The following ADAMTS8 variants were observed in gnomAD, a reference collection of about 807,000 sequenced individuals.
ADAMTS8 encodes ADAM metallopeptidase with thrombospondin type 1 motif 8, also known as A disintegrin and metalloproteinase with thrombospondin motifs 8.
Under a neutral mutation model 64.4 loss-of-function variants are expected in ADAMTS8, and 50 were observed. That is an observed-to-expected ratio of 0.78 (90% CI 0.62 to 0.98). ADAMTS8 has a LOEUF of 0.98. Among genes scored for constraint, ADAMTS8 ranks in the 50% least tolerant of loss-of-function variants. ADAMTS8 has a pLI of 0.00. For missense variants in ADAMTS8, 1,192 were observed against 1,208.2 expected, an observed-to-expected ratio of 0.99 and a Z score of 0.20; for synonymous variants, 556 against 533.6, an observed-to-expected ratio of 1.04 and a Z score of -0.58.
At position 130,427,367 on chromosome 11, in the gene ADAMTS8, G is replaced by A. The variant is rs144909202; in HGVS notation, c.720+200C>T. Among the ~76,000 whole-genome samples the A allele has an allele frequency of 4.9e-3, 747 of 151,396 alleles. 6 individuals are homozygous for A. Among genetic ancestry groups the A allele is most frequent in the Non-Finnish European group, 7.6e-3 (514 of 67,802 alleles). On this transcript the variant is annotated intron_variant, in intron 1 of 8. Coordinates refer to ENST00000257359, the MANE Select transcript of ADAMTS8 (RefSeq NM_007037.6). ...GGGGGCGCAGGGATCCAGGGTGGCA[G>A]AAGTTCAGAAAAGAGTTACTGCTCT...
intron 2 of ADAMTS8, among the ~76,000 whole-genome samples, chr11:130,418,161 A>G (rs1312489671): frequency 6.6e-6 from 1 of 152,144 alleles, no homozygotes; most frequent in Non-Finnish European, 1.5e-5. Context: ...AGCCTGGGTG[A>G]CAGAGCGAGA....
chr11:130,416,200 G>A lies in ADAMTS8; in HGVS notation c.1227C>T (p.Ser409=), dbSNP rs767316128. 21 of 1,597,156 alleles carry A rather than the reference G, an allele frequency of 1.3e-5. No individual in the cohort carries two copies. Among genetic ancestry groups the A allele is most frequent in the African/African-American group, 5.4e-5 (4 of 74,672 alleles). The part of the protein sequence containing the change: ...LNQTLPWSPC[S]AMYLTELLDG... ...CCAGAAGCTCTGTGAGATACATGGC[G>A]CTGCAGGGGGACCAGGGCAGCGTCT... Residue 409 remains serine, a synonymous_variant, in exon 4 of 9, where the codon AGC becomes AGT. Coordinates refer to ENST00000257359, the MANE Select transcript of ADAMTS8 (RefSeq NM_007037.6). This position sits in a 1 kb window ranked among gnomAD's most constrained non-coding sequence, Gnocchi z 4.8.
rs1219062189 is a variant in ADAMTS8, at chr11:130,408,918, C to T, written c.1773G>A (p.Gln591=). Reference sequence around the variant, plus strand: ...AATTGTAGGCATTATACTTCTCACACTGCTGCTCCCTGAAGCTTTTCCCTA... The same window carrying T: ...AATTGTAGGCATTATACTTCTCACATTGCTGCTCCCTGAAGCTTTTCCCTA... ...PPDGKSFREQ[Q]CEKYNAYNYT... is the part of the protein sequence containing the mutation. Residue 591 remains glutamine (Q), a synonymous_variant, in exon 7 of 9, where the codon CAG becomes CAA. Transcript: ENST00000257359. 2.6e-6 allele frequency: 4 copies of T among 1,558,522 alleles called. No individual in the cohort carries two copies. The African/African-American group carries it at 5.4e-5, about 21-fold the overall frequency.
At chr11:130,413,679 T>G (rs1861981405) in intron 5 of ADAMTS8, among the ~76,000 whole-genome samples, 1 of 152,304 alleles carries the variant, frequency 6.6e-6, no homozygotes, top group African/African-American at 2.4e-5. Context: ...CCAAGTTTTT[T>G]TCTGCCTGGC....
In ADAMTS8 at chr11:130,419,141, C is replaced by T. The variant is rs766832143; in HGVS notation, c.872G>A (p.Arg291His). The T allele has an allele frequency of 3.1e-6, 5 of 1,614,204 alleles. No homozygotes were observed. Among genetic ancestry groups the T allele is most frequent in the African/African-American group, 1.3e-5 (1 of 75,044 alleles). ...ACGCCGCTGCCAGTTGCAGAAGTTACGCAGTGTAAGCCCCCCATTGTCGGA... is the reference window on the plus strand; with the variant it reads ...ACGCCGCTGCCAGTTGCAGAAGTTATGCAGTGTAAGCCCCCCATTGTCGGA... ...EVSDNGGLTL[R>H]NFCNWQRRFN... Residue 291 changes from arginine to histidine, a missense_variant, in exon 2 of 9, where the codon CGT (arginine) becomes CAT (histidine). This residue lies in a region of ADAMTS8 where 741 missense variants were observed against 710.6 expected (regional missense o/e 1.04). Transcript: ENST00000257359.
At chr11:130,427,285 C>T (rs1379676684) in intron 1 of ADAMTS8, among the ~76,000 whole-genome samples, 1 of 152,072 alleles carries the variant, frequency 6.6e-6, no homozygotes, top group African/African-American at 2.4e-5. Flanking sequence ...GCGGGAGATT[C>T]GGATGAGAGG....
In ADAMTS8 at chr11:130,428,101, C is replaced by G. The variant is rs768134493; in HGVS notation, c.186G>C (p.Lys62Asn). The stretch of plus-strand genomic sequence containing the variant: ...CGGGCGCCAGGCGCAGCACGAAGCC[C>G]TTGCCGAAGGCGGACAGGTGGAGCG... Reference protein sequence around the residue: ...ELALHLSAFGKGFVLRLAPDD... With the variant: ...ELALHLSAFGNGFVLRLAPDD... Residue 62 changes from lysine to asparagine, a missense_variant, in exon 1 of 9, where the codon AAG becomes AAC. By Grantham distance (94) the Lys-to-Asn change is moderately conservative. Transcript: ENST00000257359. 4.0e-5 allele frequency: 62 copies of G among 1,533,874 alleles called. No individual in the cohort carries two copies. The highest frequency in any genetic ancestry group is 5.1e-5 in the Non-Finnish European group (59 of 1,149,790).
chr11:130,419,714 G>T (rs140075927), intron 1 of ADAMTS8, among the ~76,000 whole-genome samples: 1 of 152,146 alleles, frequency 6.6e-6, no homozygotes, highest in Non-Finnish European at 1.5e-5. Context: ...AAGTTCTACT[G>T]GACGGCATGG....
In ADAMTS8 at chr11:130,416,578, C is replaced by A. The variant is rs1862028121; in HGVS notation, c.1097-248G>T. Among the ~76,000 whole-genome samples the A allele has an allele frequency of 6.6e-6, 1 of 152,244 alleles. No individual in the cohort carries two copies. Among genetic ancestry groups the A allele is most frequent in the Non-Finnish European group, 1.5e-5 (1 of 68,044 alleles). ...TTTGGATCTAGCTCTGTTATTTGCC[C>A]TCTCACATGACAGTCCCTGGACCAT... On this transcript the variant is annotated intron_variant, in intron 3 of 8. Transcript: ENST00000257359. The surrounding 1 kb of genome is among the most constrained non-coding windows in gnomAD (Gnocchi z 4.8).
At chr11:130,413,369 C>T (rs1861976920) in intron 5 of ADAMTS8, among the ~76,000 whole-genome samples, 1 of 152,156 alleles carries the variant, frequency 6.6e-6, no homozygotes, top group African/African-American at 2.4e-5. Flanking sequence ...GAATCCTGCA[C>T]CAGCTCAGGC....
At position 130,419,066 on chromosome 11, in the gene ADAMTS8, A is replaced by T. The variant is rs1177675288; in HGVS notation, c.947T>A (p.Leu316Gln). Residue 316 changes from leucine (L) to glutamine (Q), a missense_variant, in exon 2 of 9, where the codon CTG becomes CAG. Transcript: ENST00000257359. ...RHPEHYDTAI[L>Q]LTRQNFCGQE... ...CCAGGCACGGACCTGTCTGGTGAGC[A>T]GGATGGCCGTGTCGTAGTGCTCTGG... 6.2e-7 allele frequency: 1 copy of T among 1,614,074 alleles called. No individual in the cohort carries two copies. Among genetic ancestry groups the T allele is most frequent in the African/African-American group, 1.3e-5 (1 of 75,036 alleles).
At position 130,419,311 on chromosome 11, in the gene ADAMTS8, C is replaced by G; in HGVS notation, c.721-19G>C. 6.2e-7 allele frequency: 1 copy of G among 1,613,568 alleles called. No individual in the cohort carries two copies. Among genetic ancestry groups the G allele is most frequent in the Non-Finnish European group, 8.5e-7 (1 of 1,179,818 alleles). On this transcript the variant is annotated intron_variant, in intron 1 of 8. Transcript: ENST00000257359. ...TGTGGTTCTGTCAGGAAGGAGGAGA[C>G]AAGAGGCGGAGTGAAGGGTTAAGTC...
intron 1 of ADAMTS8, among the ~76,000 whole-genome samples, chr11:130,421,144 CAG>C (rs1452124283): frequency 4.6e-5 from 7 of 152,340 alleles, no homozygotes; most frequent in Non-Finnish European, 8.8e-5. Context: ...GGGGCCGAGA[CAG>C]CTCAGCACAA....
Position 130,428,424 on chromosome 11 carries a change from C to A in ADAMTS8, c.-138G>T. ...TCGGGTGCAAGGCCGACTCGGCCCG[C>A]GGGGCCCGGCGGCGGGAGCGCTCCC... On this transcript the variant is annotated 5_prime_UTR_variant, in exon 1 of 9. Transcript: ENST00000257359. The A allele has an allele frequency of 1.9e-6, 2 of 1,065,268 alleles. No individual in the cohort carries two copies. Among genetic ancestry groups the A allele is most frequent in the South Asian group, 7.0e-5 (2 of 28,426 alleles). The allele number at this position is 1,065,268 out of a possible 1,614,324, so 66.0% of individuals were successfully genotyped here. A position where few individuals can be genotyped will look rare whatever the true frequency, so the allele number is the denominator to read the frequency against.
Position 130,408,858 on chromosome 11 carries a change from G to T in ADAMTS8, c.1833C>A (p.Val611=), listed in dbSNP as rs1266461075. Residue 611 remains valine (V), a synonymous_variant, in exon 7 of 9, where the codon GTC becomes GTA. Transcript: ENST00000257359. ...GGGGGGACACCCCAGCATACTTGGGGACCCACTGCAGGAGATTCCCGTCCA... is the reference window on the plus strand; with the variant it reads ...GGGGGGACACCCCAGCATACTTGGGTACCCACTGCAGGAGATTCCCGTCCA... ...TDMDGNLLQW[V]PKYAGVSPRD... 2.5e-6 allele frequency: 4 copies of T among 1,612,816 alleles called. No individual in the cohort carries two copies. Among genetic ancestry groups the T allele is most frequent in the Non-Finnish European group, 3.4e-6 (4 of 1,179,546 alleles).
intron 1 of ADAMTS8, among the ~76,000 whole-genome samples, chr11:130,421,704 G>A (rs554140863): frequency 6.6e-6 from 1 of 152,270 alleles, no homozygotes; most frequent in South Asian, 2.1e-4. Flanking sequence ...AGTTCCCTAC[G>A]GAGAAGGACC....
rs1862065477 is a variant in ADAMTS8, at chr11:130,419,099, T to C, written c.914A>G (p.Asp305Gly). 1 of 1,614,116 alleles carries C rather than the reference T, an allele frequency of 6.2e-7. No individual in the cohort carries two copies. ...NWQRRFNQPS[D>G]RHPEHYDTAI... ...CGTGTCGTAGTGCTCTGGGTGGCGGTCGCTGGGCTGGTTGAAACGCCGCTG... is the reference window on the plus strand; with the variant it reads ...CGTGTCGTAGTGCTCTGGGTGGCGGCCGCTGGGCTGGTTGAAACGCCGCTG... Residue 305 changes from aspartate to glycine, a missense_variant, in exon 2 of 9, where the codon GAC becomes GGC. Transcript: ENST00000257359.
At position 130,419,281 on chromosome 11, in the gene ADAMTS8, C is replaced by A. The variant is rs1202222099; in HGVS notation, c.732G>T (p.Leu244=). The A allele has an allele frequency of 1.9e-6, 3 of 1,613,958 alleles. No individual in the cohort carries two copies. The highest frequency in any genetic ancestry group is 2.5e-6 in the Non-Finnish European group (3 of 1,180,040). ...TTCGGGCTGCCACAGACATTAACGT[C>A]AGGATGTGGTTCTGTCAGGAAGGAG... ...FYGADLQNHI[L]TLMSVAARIY... is the part of the protein sequence containing the mutation. Residue 244 remains leucine (L), a synonymous_variant, in exon 2 of 9, where the codon CTG becomes CTT. Coordinates refer to ENST00000257359, the MANE Select transcript of ADAMTS8 (RefSeq NM_007037.6).
In ADAMTS8 at chr11:130,419,197, G is replaced by A. The variant is rs1436848460; in HGVS notation, c.816C>T (p.Ile272=). Residue 272 remains isoleucine, a synonymous_variant, in exon 2 of 9, where the codon ATC becomes ATT. Transcript: ENST00000257359. ...CTGGGCCCCATTTTTCATCTTCTAC[G>A]ATCAGCACTTTTACCACCATCAGGT... ...SINLMVVKVL[I]VEDEKWGPEV... 5.6e-6 allele frequency: 9 copies of A among 1,614,020 alleles called. No homozygotes were observed. The highest frequency in any genetic ancestry group is 1.7e-5 in the Admixed American group (1 of 59,996).
Sources: gnomAD v4.1 joint callset for allele counts (sites outside exome capture counted in the v4.1 genomes callset) on GRCh38, gnomAD v4.1.1 for gene constraint, gnomAD v4.1.1 regional missense constraint, Gnocchi (gnomAD v3.1) non-coding constraint, MANE v1.5 for transcripts, NCBI Gene and HGNC (gene_info 2026-07-23, HGNC 2026-07-21) for gene names.